The following TTLL8 variants were observed in gnomAD, a reference collection of about 807,000 sequenced individuals.
TTLL8 encodes protein monoglycylase TTLL8.
In TTLL8, 65 loss-of-function variants were observed where a neutral mutation model predicts 77.8. That is an observed-to-expected ratio of 0.84 (90% CI 0.68 to 1.03). TTLL8 has a LOEUF of 1.03. TTLL8 is among the 50% of genes least tolerant of loss of function. TTLL8 has a pLI of 0.00. For missense variants in TTLL8, 910 were observed against 1,004.5 expected, an observed-to-expected ratio of 0.91 and a Z score of 1.27; for synonymous variants, 402 against 422.8, an observed-to-expected ratio of 0.95 and a Z score of 0.60.
At chr22:50,030,430 C>T (rs1325075668) in exon 12 of TTLL8, 7 of 1,329,506 alleles carry the variant, frequency 5.3e-6, no homozygotes, top group Non-Finnish European at 6.9e-6. Flanking sequence ...CGCAGGTTAC[C>T]TTTTCCTCCG....
chr22:50,043,384 CAGTGGTGCCGAGACGTCCTTCGGTAG>C (rs2061385799), intron 6 of TTLL8, among the ~76,000 whole-genome samples: 1 of 65,578 alleles, frequency 1.5e-5, no homozygotes, highest in African/African-American at 6.5e-5. Flanking sequence ...GATAAATAAA[CAGTGGTGCCGAGACGTCCTTCGGTAG>C]ATGGATAGAT....
chr22:50,026,083 C>G (rs1360313400), intron 12 of TTLL8, among the ~76,000 whole-genome samples: 1 of 152,222 alleles, frequency 6.6e-6, no homozygotes, highest in East Asian at 1.9e-4. Context: ...ACAGGATGAT[C>G]AGAGCAACTT....
chr22:50,053,962 CGGGTGTGTCCGGCCTT>C, intron 1 of TTLL8, among the ~76,000 whole-genome samples: 1 of 149,596 alleles, frequency 6.7e-6, no homozygotes, highest in South Asian at 2.2e-4. Context: ...GCTCTCCGTC[CGGGTGTGTCCGGCCTT>C]AACATCACCA....
At chr22:50,022,725 G>T (rs985392741) in intron 12 of TTLL8, among the ~76,000 whole-genome samples, 6 of 152,360 alleles carry the variant, frequency 3.9e-5, no homozygotes, top group African/African-American at 1.4e-4. Flanking sequence ...TAACTCTGCA[G>T]GTCCATGTAG....
At chr22:50,048,665 C>T (rs959113350) in intron 3 of TTLL8, among the ~76,000 whole-genome samples, 4 of 152,224 alleles carry the variant, frequency 2.6e-5, no homozygotes, top group African/African-American at 9.7e-5. Flanking sequence ...GGAGGCGCCT[C>T]ATCAAATCTG....
chr22:50,054,661 G>GCCGGGA (rs2061461510), upstream of TTLL8: 1 of 189,846 alleles, frequency 5.3e-6, no homozygotes, highest in African/African-American at 2.4e-5. Context: ...AACAGATAAA[G>GCCGGGA]CCGGGACAAG....
At chr22:50,054,079 C>T (rs2061458672) in intron 1 of TTLL8, among the ~76,000 whole-genome samples, 1 of 152,224 alleles carries the variant, frequency 6.6e-6, no homozygotes, top group African/African-American at 2.4e-5. Context: ...CGTGCACCTG[C>T]AGTCTGTGCA....
At chr22:50,047,144 C>A in intron 4 of TTLL8, 24 bp downstream of exon 6, 1 of 1,366,688 alleles carries the variant, frequency 7.3e-7, no homozygotes, top group Non-Finnish European at 9.8e-7. Flanking sequence ...CGGCTCCCGC[C>A]ACGCTCAAGC....
intron 12 of TTLL8, among the ~76,000 whole-genome samples, chr22:50,020,726 G>A: frequency 7.4e-6 from 1 of 135,500 alleles, no homozygotes; most frequent in Admixed American, 7.6e-5. Context: ...CTGACGATGT[G>A]CACTCCATCT....
intron 6 of TTLL8, 47 bp downstream of exon 8, chr22:50,045,208 C>T (rs1387898188): frequency 3.4e-5 from 45 of 1,325,328 alleles, no homozygotes; most frequent in Non-Finnish European, 4.3e-5. Flanking sequence ...CCTGTGGAGG[C>T]CCCGAGCTCT....
chr22:50,034,193 C>T lies in TTLL8; in HGVS notation c.1039+152G>A. 1.2e-6 allele frequency: 1 copy of T among 804,696 alleles called. No homozygotes were observed. Among genetic ancestry groups the T allele is most frequent in the Non-Finnish European group, 1.5e-6 (1 of 665,024 alleles). 49.8% of individuals were successfully genotyped at this position (804,696 alleles called of 1,614,324 possible). A position where few individuals can be genotyped will look rare whatever the true frequency, so the allele number is the denominator to read the frequency against. On this transcript the variant is annotated intron_variant, in intron 9 of 13. Coordinates refer to ENST00000266182, the Ensembl canonical transcript of TTLL8. The surrounding 1 kb of genome is among the most constrained non-coding windows in gnomAD (Gnocchi z 4.1). ...AGACGCCTCCAGCTCTGCTCCAGCG[C>T]CTGAGTCCTGACCCCCACGCCTGCC...
chr22:50,043,440 G>C (rs59564675), intron 6 of TTLL8, among the ~76,000 whole-genome samples: 673 of 21,598 alleles, frequency 0.031, 1 homozygote, highest in African/African-American at 0.036. Context: ...GTGGTGCCGA[G>C]ACGTCCTTCG....
chr22:50,057,884 G>A (rs1601946517), upstream of TTLL8, among the ~76,000 whole-genome samples: 1 of 152,050 alleles, frequency 6.6e-6, no homozygotes, highest in African/African-American at 2.4e-5. Context: ...GGGAAGGTGG[G>A]GAGAACAGCT....
chr22:50,030,504 G>T (rs79298), exon 12 of TTLL8: 425,112 of 1,337,510 alleles, frequency 0.32, 68,739 homozygotes, highest in African/African-American at 0.44. Flanking sequence ...CAGCGGGTGC[G>T]CATTTAGCTG....
exon 12 of TTLL8, chr22:50,030,439 C>T: frequency 7.5e-7 from 1 of 1,332,448 alleles, no homozygotes; most frequent in South Asian, 1.2e-5. Flanking sequence ...CCTTTTCCTC[C>T]GGGCGGCGGA....
Position 50,030,346 on chromosome 22 carries a change from G to A in TTLL8, c.2203+84C>T. ...GAAGCCTGCCCTGCGCCCCGCTCTG[G>A]AGGATGCAGCGGCTGCTGGCGAGGG... On this transcript the variant is annotated intron_variant, in intron 12 of 13. Coordinates refer to ENST00000266182, the Ensembl canonical transcript of TTLL8. 3 of 1,187,954 alleles carry A rather than the reference G, an allele frequency of 2.5e-6. No individual in the cohort carries two copies. In the South Asian group the frequency reaches 4.6e-5, roughly 18 times the overall value. 73.6% of individuals were successfully genotyped at this position (1,187,954 alleles called of 1,614,324 possible). A position where few individuals can be genotyped will look rare whatever the true frequency, so the allele number is the denominator to read the frequency against.
intron 8 of TTLL8, among the ~76,000 whole-genome samples, chr22:50,035,636 C>A (rs985699409): frequency 6.6e-6 from 1 of 152,200 alleles, no homozygotes; most frequent in Non-Finnish European, 1.5e-5. Flanking sequence ...CGGGCACAGC[C>A]AGCCCCCCGC....
chr22:50,031,938 C>A lies in TTLL8; in HGVS notation c.1455G>T (p.Lys485Asn), dbSNP rs1403432844. The change falls in exon 11 of 14, where the codon AAG becomes AAT. Residue 485 changes from lysine to asparagine, a missense_variant. Around this residue, in one of 2 missense-constraint regions of TTLL8, gnomAD observed 776 missense variants for 926.1 expected, o/e 0.84. Coordinates refer to ENST00000266182, the Ensembl canonical transcript of TTLL8. Reference sequence around the variant, plus strand: ...CCACCTTCATGGCGTGGGCGATGGCCTTCTTCATGGACGGGTAGATGACGC... The same window carrying A: ...CCACCTTCATGGCGTGGGCGATGGCATTCTTCATGGACGGGTAGATGACGC... 4 of 1,366,960 alleles carry A rather than the reference C, an allele frequency of 2.9e-6. No homozygotes were observed. The South Asian group carries it at 3.4e-5, about 12-fold the overall frequency. The allele number at this position is 1,366,960 out of a possible 1,614,324, so 84.7% of individuals were successfully genotyped here. A position where few individuals can be genotyped will look rare whatever the true frequency, so the allele number is the denominator to read the frequency against.
rs779650419 is a variant in TTLL8 at position 50,030,668 on chromosome 22, C to A, written c.1965G>T (p.Arg655Ser). The change falls in exon 12 of 14, where the codon AGG becomes AGT. Residue 655 changes from arginine (R) to serine (S), a missense_variant. Physicochemically the swap from Arg to Ser is moderately radical, Grantham distance 110. Transcript: ENST00000266182. ...CGGCTCCACCGCTCTCGGCTGCCCC[C>A]CTTAAGGGTGCCAGCAAGGCCAGGG... 3.9e-6 allele frequency: 5 copies of A among 1,285,358 alleles called. No homozygotes were observed. In the Admixed American group the frequency reaches 9.9e-5, roughly 25 times the overall value. 79.6% of individuals were successfully genotyped at this position (1,285,358 alleles called of 1,614,324 possible). A position where few individuals can be genotyped will look rare whatever the true frequency, so the allele number is the denominator to read the frequency against.
Sources: allele counts gnomAD v4.1 joint callset (sites outside exome capture counted in the v4.1 genomes callset), GRCh38; gene constraint gnomAD v4.1.1; regional missense constraint gnomAD v4.1.1; non-coding constraint Gnocchi (gnomAD v3.1); transcripts MANE v1.5; gene names NCBI Gene and HGNC (gene_info 2026-07-23, HGNC 2026-07-21).